EFCAB8: variants seen among roughly 807,000 people sequenced by gnomAD.
EFCAB8 encodes EF-hand calcium-binding domain-containing protein 8.
Under a neutral mutation model 116.3 loss-of-function variants are expected in EFCAB8, and 100 were observed. The observed-to-expected ratio is 0.86, with a 90% CI of 0.73 to 1.02. The LOEUF is 1.02. Among genes scored for constraint, EFCAB8 ranks in the 50% least tolerant of loss-of-function variants. The pLI is 0.00. For missense variants in EFCAB8, 1,320 were observed against 1,416.9 expected, an observed-to-expected ratio of 0.93 and a Z score of 1.10; for synonymous variants, 558 against 567.9, an observed-to-expected ratio of 0.98 and a Z score of 0.25.
chr20:32,883,376 G>T (rs899533869), intron 5 of EFCAB8, among the ~76,000 whole-genome samples: 10 of 152,190 alleles, frequency 6.6e-5, no homozygotes, highest in Non-Finnish European at 1.3e-4. Flanking sequence ...GTAAGCCCCA[G>T]GAAATGCTCC....
At chr20:32,910,187 C>T (rs1986855905) in intron 15 of EFCAB8, among the ~76,000 whole-genome samples, 1 of 152,232 alleles carries the variant, frequency 6.6e-6, no homozygotes, top group Non-Finnish European at 1.5e-5. Context: ...ATGCCCTTGG[C>T]TGAGCGCCTT....
chr20:32,918,422 C>T lies in EFCAB8; in HGVS notation c.2122C>T (p.Arg708Trp), dbSNP rs1484316968. The T allele has an allele frequency of 2.8e-5, 43 of 1,551,574 alleles. No homozygotes were observed. The highest frequency in any genetic ancestry group is 5.5e-5 in the African/African-American group (4 of 73,038). Residue 708 changes from arginine to tryptophan, a missense_variant, in exon 19 of 27, where the codon CGG (arginine) becomes TGG (tryptophan). Arg to Trp is a moderately radical substitution (Grantham distance 101, BLOSUM62 -3). Coordinates refer to ENST00000400522, the MANE Select transcript of EFCAB8 (RefSeq NM_001143967.2). ...CAGGCCCAGCAGACCCTATGTGGAG[C>T]GGGAGAAGTGGACATACAAGACCTC... is the stretch of plus-strand genomic sequence containing the variant. Reference protein sequence around the residue: ...SHRPSRPYVEREKWTYKTSRK... With the variant: ...SHRPSRPYVEWEKWTYKTSRK...
chr20:32,936,717 T>C (rs1440267298), intron 22 of EFCAB8, among the ~76,000 whole-genome samples: 1 of 152,248 alleles, frequency 6.6e-6, no homozygotes, highest in East Asian at 1.9e-4. Context: ...ATATTAGCTT[T>C]ATAATATATT....
intron 1 of EFCAB8, among the ~76,000 whole-genome samples, chr20:32,861,892 C>T (rs1161855998): frequency 2.0e-5 from 3 of 151,706 alleles, no homozygotes; most frequent in Non-Finnish European, 2.9e-5. Flanking sequence ...CCAATATGCA[C>T]ATGCATATAT....
intron 9 of EFCAB8, among the ~76,000 whole-genome samples, chr20:32,894,436 C>T (rs555833620): frequency 1.3e-5 from 2 of 152,344 alleles, no homozygotes; most frequent in South Asian, 4.1e-4. Flanking sequence ...AGCCTAGTCA[C>T]TCTGCGCCAC....
intron 11 of EFCAB8, among the ~76,000 whole-genome samples, chr20:32,902,397 G>A (rs912290557): frequency 1.3e-5 from 2 of 152,096 alleles, no homozygotes; most frequent in Non-Finnish European, 2.9e-5. Context: ...AGAGACACAT[G>A]TTCCCTTCCT....
rs566231327 is a variant in EFCAB8 at position 32,875,862 on chromosome 20, G to T, written c.209-64G>T. 9.0e-6 allele frequency: 13 copies of T among 1,437,466 alleles called. No individual in the cohort carries two copies. In the East Asian group the frequency reaches 2.2e-4, roughly 25 times the overall value. 89.0% of individuals were successfully genotyped at this position (1,437,466 alleles called of 1,614,324 possible). A position where few individuals can be genotyped will look rare whatever the true frequency, so the allele number is the denominator to read the frequency against. On this transcript the variant is annotated intron_variant, in intron 3 of 26. Transcript: ENST00000400522. Reference sequence around the variant, plus strand: ...CAGCACCCAGACACTTGAGAACTCCGTGGCAGTGATGGGCCGAGGGACTTG... The same window carrying T: ...CAGCACCCAGACACTTGAGAACTCCTTGGCAGTGATGGGCCGAGGGACTTG...
rs748370956 is a variant in EFCAB8 at position 32,920,215 on chromosome 20, G to A, written c.2412G>A (p.Lys804=). 37 of 1,551,516 alleles carry A rather than the reference G, an allele frequency of 2.4e-5. No individual in the cohort carries two copies. Among genetic ancestry groups the A allele is most frequent in the Non-Finnish European group, 2.8e-5 (32 of 1,146,968 alleles). ...TTCAATCCAGTGCCTCGGTGGAGAA[G>A]GTTGGCCGTGATCAGCCAGGGAGAG... is the stretch of plus-strand genomic sequence containing the variant. ...MLVQSSASVE[K]IIFLQTRPRL... is the part of the protein sequence containing the mutation. Residue 804 remains lysine, a splice_region_variant and synonymous_variant, in exon 20 of 27, where the codon AAG becomes AAA. Transcript: ENST00000400522.
intron 6 of EFCAB8, among the ~76,000 whole-genome samples, chr20:32,887,082 C>T (rs778169175): frequency 5.9e-5 from 9 of 152,108 alleles, no homozygotes; most frequent in Non-Finnish European, 1.0e-4. Flanking sequence ...CCTGGGGAGC[C>T]CGAGAGCGCA....
chr20:32,925,986 C>G (rs1197944591), intron 20 of EFCAB8, among the ~76,000 whole-genome samples: 1 of 152,244 alleles, frequency 6.6e-6, no homozygotes, highest in Non-Finnish European at 1.5e-5. Context: ...CGGCTCTGTC[C>G]TGCCTAGGGC....
chr20:32,931,635 G>T (rs748264864), intron 22 of EFCAB8, among the ~76,000 whole-genome samples: 1 of 152,106 alleles, frequency 6.6e-6, no homozygotes, highest in Non-Finnish European at 1.5e-5. Context: ...TGCACTCCTT[G>T]TAATCCCAGC....
At chr20:32,933,264 A>G (rs1377251004) in intron 22 of EFCAB8, among the ~76,000 whole-genome samples, 3 of 152,212 alleles carry the variant, frequency 2.0e-5, no homozygotes, top group Non-Finnish European at 4.4e-5. Context: ...TATATTTTAA[A>G]CAATTGGGAT....
chr20:32,873,048 G>A (rs1348112942), intron 3 of EFCAB8, among the ~76,000 whole-genome samples: 3 of 148,392 alleles, frequency 2.0e-5, no homozygotes, highest in African/African-American at 5.0e-5. Flanking sequence ...AGCCGAGATC[G>A]TGCCATTGCA....
At position 32,882,205 on chromosome 20, in the gene EFCAB8, GA is replaced by G. The variant is rs376863681; in HGVS notation, c.432-3289del. Among the ~76,000 whole-genome samples the G allele has an allele frequency of 6.9e-3, 999 of 144,368 alleles. 8 individuals carry two copies. The highest frequency in any genetic ancestry group is 0.023 in the African/African-American group (912 of 39,618). The allele number at this position is 144,368 out of a possible 152,430, so 94.7% of individuals were successfully genotyped here. ...AAGAATGAAAACTCCGTCTCAAAAA[GA>G]AAAAAAAAAACAGCATGCAAATGCA... On this transcript the variant is annotated intron_variant, in intron 5 of 26. Coordinates refer to ENST00000400522, the MANE Select transcript of EFCAB8 (RefSeq NM_001143967.2).
chr20:32,863,893 C>A lies in EFCAB8; in HGVS notation c.42+59C>A, dbSNP rs1025432235. On this transcript the variant is annotated intron_variant, in intron 2 of 26. Transcript: ENST00000400522. ...TGGGGCATTCCAGAGTCACCCAAAA[C>A]CTCACTTACCAGCATGGAAGTATAG... 16 of 1,532,086 alleles carry A rather than the reference C, an allele frequency of 1.0e-5. No homozygotes were observed. In the African/African-American group the frequency reaches 2.1e-4, roughly 20 times the overall value. 94.9% of individuals were successfully genotyped at this position (1,532,086 alleles called of 1,614,324 possible). A position where few individuals can be genotyped will look rare whatever the true frequency, so the allele number is the denominator to read the frequency against.
chr20:32,890,868 G>C (rs1301290651), intron 7 of EFCAB8, among the ~76,000 whole-genome samples: 1 of 152,256 alleles, frequency 6.6e-6, no homozygotes, highest in African/African-American at 2.4e-5. Context: ...TAGTAGTTAG[G>C]TGTGTGAAGC....
At chr20:32,888,517 C>T (rs1231765220) in intron 6 of EFCAB8, among the ~76,000 whole-genome samples, 1 of 152,014 alleles carries the variant, frequency 6.6e-6, no homozygotes, top group African/African-American at 2.4e-5. Context: ...CCACTGCGCC[C>T]AGCCTTTTTT....
chr20:32,915,100 G>T (rs1343320822), intron 17 of EFCAB8, among the ~76,000 whole-genome samples: 5 of 152,054 alleles, frequency 3.3e-5, no homozygotes, highest in African/African-American at 1.2e-4. Context: ...ATGGGGTCTT[G>T]CTATGTTGCC....
rs564348543 is a variant in EFCAB8, at chr20:32,909,932, G to T, written c.1557+1G>T. ...CCTCTACAGCAAGATCTTTAAGCAG[G>T]TGAGTGGCCCAGGGCTCGCCTCTGA... On this transcript the variant is annotated splice_donor_variant, in intron 15 of 26. Transcript: ENST00000400522. LOFTEE classifies it high-confidence loss of function. 8 of 1,247,938 alleles carry T rather than the reference G, an allele frequency of 6.4e-6. No homozygotes were observed. The South Asian group carries it at 2.9e-4, about 45-fold the overall frequency. The allele number at this position is 1,247,938 out of a possible 1,614,324, so 77.3% of individuals were successfully genotyped here. A position where few individuals can be genotyped will look rare whatever the true frequency, so the allele number is the denominator to read the frequency against.
Sources: gnomAD v4.1 joint callset for allele counts (sites outside exome capture counted in the v4.1 genomes callset) on GRCh38, gnomAD v4.1.1 for gene constraint, MANE v1.5 for transcripts, NCBI Gene and HGNC (gene_info 2026-07-23, HGNC 2026-07-21) for gene names.